Variants in GRIK3 observed in about 807,000 individuals in gnomAD.
GRIK3 encodes glutamate receptor ionotropic, kainate 3.
A neutral mutation model predicts 102.5 loss-of-function variants in GRIK3; 29 were observed. The observed-to-expected ratio is 0.28, with a 90% confidence interval of 0.21 to 0.39. The LOEUF (loss-of-function observed/expected upper bound fraction) is 0.39. GRIK3 is among the 10% of genes least tolerant of loss of function. The pLI, the probability that GRIK3 is intolerant of heterozygous loss-of-function variation, is 1.00. For synonymous variants in GRIK3, 511 were observed against 504.9 expected (o/e 1.01, Z -0.16); for missense variants, 908 against 1,252.4 (o/e 0.73, Z 4.15).
Position 36,993,227 on chromosome 1 carries a change from G to T in GRIK3, c.115+40767C>A, listed in dbSNP as rs528721883. Among the ~76,000 whole-genome samples the T allele has an allele frequency of 2.4e-4, 37 of 152,198 alleles. No individual in the cohort carries two copies. The South Asian group carries it at 7.5e-3, about 31-fold the overall frequency. On this transcript the variant is annotated intron_variant, in intron 1 of 15. Coordinates refer to ENST00000373091, the MANE Select transcript of GRIK3 (RefSeq NM_000831.4). ...CACTCCAGCTGGAGTCAGGAGGCTG[G>T]GCCTGAGAGTACCACTTTGCCTCTT...
intron 1 of GRIK3, among the ~76,000 whole-genome samples, chr1:36,914,004 C>A (rs1641373624): frequency 6.6e-6 from 1 of 152,226 alleles, no homozygotes; most frequent in African/African-American, 2.4e-5. Context: ...AAAGGCACAG[C>A]ACAGCTTTGT....
At chr1:36,997,259 G>T (rs913043905) in intron 1 of GRIK3, among the ~76,000 whole-genome samples, 2 of 152,168 alleles carry the variant, frequency 1.3e-5, no homozygotes, top group African/African-American at 4.8e-5. Context: ...TGGGCGTGAG[G>T]CTGGCAAGGA....
At chr1:36,942,159 C>T (rs2124325419) in intron 1 of GRIK3, among the ~76,000 whole-genome samples, 1 of 152,322 alleles carries the variant, frequency 6.6e-6, no homozygotes, top group East Asian at 1.9e-4. Flanking sequence ...CCACTGGAAG[C>T]CGAACTCCAC....
intron 10 of GRIK3, among the ~76,000 whole-genome samples, chr1:36,830,138 T>C (rs2124202542): frequency 6.6e-6 from 1 of 152,326 alleles, no homozygotes; most frequent in Admixed American, 6.5e-5. Context: ...ACTCAGTGTA[T>C]TGCGTATGCT....
At chr1:36,887,628 T>C (rs1263429529) in intron 2 of GRIK3, among the ~76,000 whole-genome samples, 1 of 151,758 alleles carries the variant, frequency 6.6e-6, no homozygotes, top group Non-Finnish European at 1.5e-5. Context: ...TGGTGGTGGA[T>C]GCCTGTAATC....
intron 1 of GRIK3, among the ~76,000 whole-genome samples, chr1:36,911,570 C>G (rs575247615): frequency 5.4e-4 from 82 of 152,124 alleles, no homozygotes; most frequent in African/African-American, 1.8e-3. Flanking sequence ...CCTGGGGTCC[C>G]AGGGGGACTC....
chr1:36,888,013 T>C (rs1461987196), intron 2 of GRIK3, among the ~76,000 whole-genome samples: 1 of 152,060 alleles, frequency 6.6e-6, no homozygotes, highest in African/African-American at 2.4e-5. Flanking sequence ...CATATGTACA[T>C]ACTGTGACCC....
chr1:36,930,531 C>A (rs1181144653), intron 1 of GRIK3, among the ~76,000 whole-genome samples: 2 of 152,182 alleles, frequency 1.3e-5, no homozygotes, highest in Non-Finnish European at 2.9e-5. Context: ...CATCACCATG[C>A]CTTAGTTCTT....
rs1642399158 is a variant in GRIK3 at position 36,798,800 on chromosome 1, T to C, written c.*3051A>G. ...GCCTGGGAGAGGAGATGAGGCAGCA[T>C]GCCCTCCTGCTTCCACACAGGAGTC... On this transcript the variant is annotated 3_prime_UTR_variant, in exon 16 of 16. Coordinates refer to ENST00000373091, the MANE Select transcript of GRIK3 (RefSeq NM_000831.4). 1 of 152,276 alleles carries C rather than the reference T, an allele frequency of 6.6e-6. No homozygotes were observed. Among genetic ancestry groups the C allele is most frequent in the Non-Finnish European group, 1.5e-5 (1 of 68,050 alleles). 9.4% of individuals were successfully genotyped at this position (152,276 alleles called of 1,614,324 possible).
Position 36,996,796 on chromosome 1 carries a change from C to T in GRIK3, c.115+37198G>A, listed in dbSNP as rs908645379. Among the ~76,000 whole-genome samples, 44 of 152,196 alleles carry T rather than the reference C, an allele frequency of 2.9e-4. 1 individual carries two copies. Among genetic ancestry groups the T allele is most frequent in the Non-Finnish European group, 8.8e-5 (6 of 68,044 alleles). On this transcript the variant is annotated intron_variant, in intron 1 of 15. Transcript: ENST00000373091. Reference sequence around the variant, plus strand: ...GAGCTTCCAGGGGCTGTCCAGCTCTCCCCAGCTCCGCATATCCAAGGATGT... The same window carrying T: ...GAGCTTCCAGGGGCTGTCCAGCTCTTCCCAGCTCCGCATATCCAAGGATGT...
intron 10 of GRIK3, among the ~76,000 whole-genome samples, chr1:36,827,486 T>C (rs1393319028): frequency 6.6e-6 from 1 of 152,122 alleles, no homozygotes; most frequent in Non-Finnish European, 1.5e-5. Context: ...CCTCCAGGTG[T>C]CCATCCATTA....
intron 10 of GRIK3, among the ~76,000 whole-genome samples, chr1:36,838,482 T>C (rs1640408643): frequency 6.6e-6 from 1 of 152,206 alleles, no homozygotes; most frequent in South Asian, 2.1e-4. Context: ...ATCGTGTTTA[T>C]TGTTGTCCCT....
At chr1:36,933,291 C>T (rs1173166707) in intron 1 of GRIK3, among the ~76,000 whole-genome samples, 2 of 152,162 alleles carry the variant, frequency 1.3e-5, no homozygotes, top group African/African-American at 4.8e-5. Flanking sequence ...TGTCAAACCT[C>T]AGTTCACACG....
intron 1 of GRIK3, among the ~76,000 whole-genome samples, chr1:37,017,941 C>CT (rs1642671504): frequency 6.6e-6 from 1 of 152,158 alleles, no homozygotes; most frequent in Non-Finnish European, 1.5e-5. Context: ...GAGCTCCACC[C>CT]TCAGGTCATG....
At chr1:36,889,920 T>A (rs1423927762) in intron 2 of GRIK3, among the ~76,000 whole-genome samples, 1 of 152,110 alleles carries the variant, frequency 6.6e-6, no homozygotes, top group East Asian at 1.9e-4. Flanking sequence ...CAGTTTTGGT[T>A]GAGTTGAGTC....
At chr1:36,844,882 T>C (rs1343694285) in intron 9 of GRIK3, among the ~76,000 whole-genome samples, 3 of 152,124 alleles carry the variant, frequency 2.0e-5, no homozygotes, top group Non-Finnish European at 4.4e-5. Flanking sequence ...CGGAAAACCA[T>C]TTCAGGAAAG....
At chr1:36,924,263 TC>T (rs989259880) in intron 1 of GRIK3, among the ~76,000 whole-genome samples, 1 of 152,176 alleles carries the variant, frequency 6.6e-6, no homozygotes. Flanking sequence ...CACTAGGGTT[TC>T]CCTTGATGCA....
At chr1:36,925,884 C>T (rs2124308585) in intron 1 of GRIK3, among the ~76,000 whole-genome samples, 1 of 152,306 alleles carries the variant, frequency 6.6e-6, no homozygotes, top group Non-Finnish European at 1.5e-5. Context: ...ACTTGGGGAC[C>T]TGGGCCTGAC....
In GRIK3 at chr1:36,800,450, C is replaced by T. The variant is rs982103879; in HGVS notation, c.*1401G>A. On this transcript the variant is annotated 3_prime_UTR_variant, in exon 16 of 16. Coordinates refer to ENST00000373091, the MANE Select transcript of GRIK3 (RefSeq NM_000831.4). Reference sequence around the variant, plus strand: ...TCACAGCAAGCTGGAACTCATAGGTCCACCCCCTGGCTGGTACCCAACCTG... The same window carrying T: ...TCACAGCAAGCTGGAACTCATAGGTTCACCCCCTGGCTGGTACCCAACCTG... 1 of 152,264 alleles carries T rather than the reference C, an allele frequency of 6.6e-6. No individual in the cohort carries two copies. The highest frequency in any genetic ancestry group is 2.4e-5 in the African/African-American group (1 of 41,448). The allele number at this position is 152,264 out of a possible 1,614,324, so 9.4% of individuals were successfully genotyped here. A position where few individuals can be genotyped will look rare whatever the true frequency, so the allele number is the denominator to read the frequency against.
Sources: allele counts gnomAD v4.1 joint callset (sites outside exome capture counted in the v4.1 genomes callset), GRCh38; gene constraint gnomAD v4.1.1; transcripts MANE v1.5; gene names NCBI Gene and HGNC (gene_info 2026-07-23, HGNC 2026-07-21).